RAP1GAP2: variants seen among roughly 807,000 people sequenced by gnomAD.
RAP1GAP2 encodes RAP1 GTPase activating protein 2.
Under a neutral mutation model 95.0 loss-of-function variants are expected in RAP1GAP2, and 27 were observed. That is an observed-to-expected ratio of 0.28 (90% CI 0.21 to 0.39). RAP1GAP2 has a LOEUF of 0.39. RAP1GAP2 is among the 10% of genes least tolerant of loss of function. The pLI, the probability that RAP1GAP2 is intolerant of heterozygous loss-of-function variation, is 1.00. For synonymous variants in RAP1GAP2, 373 were observed against 380.9 expected (o/e 0.98, Z 0.24); for missense variants, 771 against 970.0 (o/e 0.79, Z 2.72).
At chr17:2,943,010 C>G (rs1477015743) in intron 3 of RAP1GAP2, among the ~76,000 whole-genome samples, 1 of 152,066 alleles carries the variant, frequency 6.6e-6, no homozygotes, top group African/African-American at 2.4e-5. Context: ...CTCAAGTGAT[C>G]TGCCCGCCTT....
chr17:2,959,073 C>T (rs1485422471), intron 4 of RAP1GAP2, among the ~76,000 whole-genome samples: 1 of 152,156 alleles, frequency 6.6e-6, no homozygotes, highest in Non-Finnish European at 1.5e-5. Context: ...TGGAGCAAAG[C>T]TGGGATTTTC....
intron 3 of RAP1GAP2, among the ~76,000 whole-genome samples, chr17:2,953,683 C>A (rs905587043): frequency 1.3e-5 from 2 of 152,008 alleles, no homozygotes; most frequent in African/African-American, 2.4e-5. Flanking sequence ...CCTGTCTCTA[C>A]CAAAAATACA....
chr17:2,885,726 A>G lies in RAP1GAP2; in HGVS notation c.81-19558A>G, dbSNP rs547207783. Reference sequence around the variant, plus strand: ...TTCCTGTCACCATTTGGTTGAGCCAACTGGGGCAGGGAGAGGATCTGGGAA... The same window carrying G: ...TTCCTGTCACCATTTGGTTGAGCCAGCTGGGGCAGGGAGAGGATCTGGGAA... On this transcript the variant is annotated intron_variant, in intron 2 of 24. Transcript: ENST00000254695. 6.6e-5 allele frequency among the ~76,000 whole-genome samples: 10 copies of G among 152,328 alleles called. No individual in the cohort carries two copies. The East Asian group carries it at 1.4e-3, about 21-fold the overall frequency.
rs974996588 is a variant in RAP1GAP2 at position 3,029,188 on chromosome 17, C to T, written c.2108-1734C>T. Reference sequence around the variant, plus strand: ...AGAATCTGTAAGCAAGCCTGGCCCCCACTTGGTGTTAAATAAACGTCAAAG... The same window carrying T: ...AGAATCTGTAAGCAAGCCTGGCCCCTACTTGGTGTTAAATAAACGTCAAAG... On this transcript the variant is annotated intron_variant, in intron 22 of 24. Coordinates refer to ENST00000254695, the MANE Select transcript of RAP1GAP2 (RefSeq NM_015085.5). This position sits in a 1 kb window ranked among gnomAD's most constrained non-coding sequence, Gnocchi z 4.4. Among the ~76,000 whole-genome samples the T allele has an allele frequency of 6.6e-6, 1 of 152,146 alleles. No individual in the cohort carries two copies. The highest frequency in any genetic ancestry group is 1.5e-5 in the Non-Finnish European group (1 of 68,038).
Position 2,950,407 on chromosome 17 carries a change from C to G in RAP1GAP2, c.166-7352C>G, listed in dbSNP as rs541254229. Among the ~76,000 whole-genome samples the G allele has an allele frequency of 1.3e-3, 204 of 151,996 alleles. 2 individuals carry two copies. The highest frequency in any genetic ancestry group is 4.7e-3 in the African/African-American group (196 of 41,456). ...CTGTCTCTGGGAAGACCAATGAAAT[C>G]GAGAAAAAGTATCTTGAAGCTGCTA... On this transcript the variant is annotated intron_variant, in intron 3 of 24. Transcript: ENST00000254695.
chr17:2,881,036 G>A (rs1197561145), intron 2 of RAP1GAP2, among the ~76,000 whole-genome samples: 1 of 152,070 alleles, frequency 6.6e-6, no homozygotes, highest in Non-Finnish European at 1.5e-5. Context: ...CGAGGCAGGT[G>A]GCTCATTTGT....
chr17:2,844,662 CG>C (rs1294706488), intron 2 of RAP1GAP2, among the ~76,000 whole-genome samples: 3 of 152,034 alleles, frequency 2.0e-5, no homozygotes, highest in African/African-American at 7.2e-5. Context: ...GACTTAATGT[CG>C]GGGTGGGAAG....
chr17:2,874,172 C>G (rs1444771934), intron 2 of RAP1GAP2, among the ~76,000 whole-genome samples: 1 of 152,196 alleles, frequency 6.6e-6, no homozygotes, highest in Non-Finnish European at 1.5e-5. Context: ...ATAAAAGAGT[C>G]TGTATTCTGC....
chr17:2,862,057 G>T (rs913579168), intron 2 of RAP1GAP2, among the ~76,000 whole-genome samples: 1 of 152,180 alleles, frequency 6.6e-6, no homozygotes, highest in Non-Finnish European at 1.5e-5. Flanking sequence ...ATTTTGTAGA[G>T]AATTGCAAAT....
chr17:2,945,255 ATTTTTATTG>A (rs1258753685), intron 3 of RAP1GAP2, among the ~76,000 whole-genome samples: 2 of 151,978 alleles, frequency 1.3e-5, no homozygotes, highest in Admixed American at 6.6e-5. Flanking sequence ...TATTTTTATT[ATTTTTATTG>A]TTTGTCTTTT....
chr17:2,921,636 A>C (rs75456852), intron 3 of RAP1GAP2, among the ~76,000 whole-genome samples: 4 of 149,062 alleles, frequency 2.7e-5, no homozygotes, highest in African/African-American at 5.0e-5. Context: ...TTAAGGTGTC[A>C]GCAGGGCCGT....
At chr17:2,907,902 G>A (rs1308773126) in intron 3 of RAP1GAP2, among the ~76,000 whole-genome samples, 1 of 152,150 alleles carries the variant, frequency 6.6e-6, no homozygotes, top group African/African-American at 2.4e-5. Context: ...CACCTCCTGG[G>A]TTCAAGCGCT....
At position 2,891,660 on chromosome 17, in the gene RAP1GAP2, A is replaced by C. The variant is rs954973847; in HGVS notation, c.81-13624A>C. Among the ~76,000 whole-genome samples, 4 of 151,270 alleles carry C rather than the reference A, an allele frequency of 2.6e-5. No homozygotes were observed. The Admixed American group carries it at 2.7e-4, about 10-fold the overall frequency. On this transcript the variant is annotated intron_variant, in intron 2 of 24. Coordinates refer to ENST00000254695, the MANE Select transcript of RAP1GAP2 (RefSeq NM_015085.5). ...ATTTTTTTGAGCTCTTGCATATTTC[A>C]GAATGTCTTTATTGGTTGATAGTTT...
At position 2,965,603 on chromosome 17, in the gene RAP1GAP2, G is replaced by A. The variant is rs749488788; in HGVS notation, c.556G>A (p.Glu186Lys). The A allele has an allele frequency of 3.1e-6, 5 of 1,612,414 alleles. No homozygotes were observed. The highest frequency in any genetic ancestry group is 3.4e-6 in the Non-Finnish European group (4 of 1,179,428). Reference sequence around the variant, plus strand: ...GAACTTGATCCTGTCCGTCAAGTGCGAGGAAGCAGAGGGGATCGAGTACCT... The same window carrying A: ...GAACTTGATCCTGTCCGTCAAGTGCAAGGAAGCAGAGGGGATCGAGTACCT... ...LGNLILSVKC[E>K]EAEGIEYLRV... is the part of the protein sequence containing the mutation. The change falls in exon 8 of 25, where the codon GAG becomes AAG. Residue 186 changes from glutamate (E) to lysine (K), a missense_variant. Physicochemically the swap from Glu to Lys is moderately conservative, Grantham distance 56 (BLOSUM62 1). Coordinates refer to ENST00000254695, the MANE Select transcript of RAP1GAP2 (RefSeq NM_015085.5). This position sits in a 1 kb window ranked among gnomAD's most constrained non-coding sequence, Gnocchi z 4.7.
intron 18 of RAP1GAP2, among the ~76,000 whole-genome samples, chr17:3,019,562 G>T (rs1337444853): frequency 6.6e-6 from 1 of 152,160 alleles, no homozygotes; most frequent in East Asian, 1.9e-4. Context: ...TATAGACTAG[G>T]ATTTTCCTTT....
intron 10 of RAP1GAP2, among the ~76,000 whole-genome samples, chr17:2,983,189 C>T (rs1597794504): frequency 6.6e-6 from 1 of 152,308 alleles, no homozygotes; most frequent in East Asian, 1.9e-4. Context: ...GTTTGTTCTT[C>T]CTCTCGCATA....
intron 9 of RAP1GAP2, among the ~76,000 whole-genome samples, 192 bp from the exon 10 acceptor site, chr17:2,981,003 T>G (rs1201200746): frequency 6.6e-6 from 1 of 152,132 alleles, no homozygotes; most frequent in East Asian, 1.9e-4. Flanking sequence ...CTTCCCACAC[T>G]TCATCAGCAA....
intron 2 of RAP1GAP2, among the ~76,000 whole-genome samples, chr17:2,836,419 G>C (rs1054737987): frequency 6.6e-6 from 1 of 152,064 alleles, no homozygotes; most frequent in East Asian, 1.9e-4. Flanking sequence ...ATCACCTGAG[G>C]TCAGGAGTTC....
At chr17:2,889,634 A>G (rs917365979) in intron 2 of RAP1GAP2, among the ~76,000 whole-genome samples, 12 of 149,884 alleles carry the variant, frequency 8.0e-5, no homozygotes, top group Non-Finnish European at 1.6e-4. Context: ...CCAGAGAAAG[A>G]GGCCAGCACT....
Sources: allele counts gnomAD v4.1 joint callset (sites outside exome capture counted in the v4.1 genomes callset), GRCh38; gene constraint gnomAD v4.1.1; non-coding constraint Gnocchi (gnomAD v3.1); transcripts MANE v1.5; gene names NCBI Gene and HGNC (gene_info 2026-07-23, HGNC 2026-07-21).